Variants in SMYD3 observed in about 807,000 individuals in gnomAD.
SMYD3 encodes SET and MYND domain containing 3.
Under a neutral mutation model 57.7 loss-of-function variants are expected in SMYD3, and 36 were observed. That is an observed-to-expected ratio of 0.62 (90% CI 0.48 to 0.82). The LOEUF is 0.82. SMYD3 is among the 40% of genes least tolerant of loss of function. SMYD3 has a pLI of 0.00. For synonymous variants in SMYD3, 211 were observed against 195.0 expected (o/e 1.08, Z -0.68); for missense variants, 515 against 538.8 (o/e 0.96, Z 0.44).
intron 5 of SMYD3, among the ~76,000 whole-genome samples, chr1:246,300,854 A>G (rs1558387305): frequency 6.6e-6 from 1 of 152,188 alleles, no homozygotes; most frequent in African/African-American, 2.4e-5. Context: ...TTGCTTTTTC[A>G]TTACTGATTA....
At chr1:245,780,291 A>C (rs146476266) in intron 10 of SMYD3, among the ~76,000 whole-genome samples, 1 of 152,258 alleles carries the variant, frequency 6.6e-6, no homozygotes, top group Non-Finnish European at 1.5e-5. Flanking sequence ...CTATCATTTT[A>C]TAAATAAACA....
At chr1:246,146,636 T>C (rs1480866571) in intron 5 of SMYD3, among the ~76,000 whole-genome samples, 1 of 150,304 alleles carries the variant, frequency 6.7e-6, no homozygotes, top group Non-Finnish European at 1.5e-5. Context: ...CAGAATAAAC[T>C]AGAAGTGAAG....
chr1:246,301,724 A>C (rs890929199), intron 5 of SMYD3, among the ~76,000 whole-genome samples: 3 of 152,270 alleles, frequency 2.0e-5, no homozygotes, highest in African/African-American at 7.2e-5. Context: ...AGGGCAACTG[A>C]TGTGTCTTTT....
chr1:246,060,269 CA>C (rs1239784414), intron 5 of SMYD3, among the ~76,000 whole-genome samples: 3 of 151,516 alleles, frequency 2.0e-5, no homozygotes, highest in Non-Finnish European at 2.9e-5. Context: ...GCCTGGGCAA[CA>C]GAGCGAGACT....
chr1:245,915,986 T>C (rs2055388487), intron 7 of SMYD3, among the ~76,000 whole-genome samples: 1 of 152,170 alleles, frequency 6.6e-6, no homozygotes, highest in Non-Finnish European at 1.5e-5. Flanking sequence ...TCTATAACCA[T>C]TAGCAATCAG....
In SMYD3 at chr1:246,134,200, G is replaced by A. The variant is rs558356882; in HGVS notation, c.531+193001C>T. Among the ~76,000 whole-genome samples, 36 of 152,070 alleles carry A rather than the reference G, an allele frequency of 2.4e-4. No individual in the cohort carries two copies. In the Middle Eastern group the frequency reaches 0.01, roughly 43 times the overall value. On this transcript the variant is annotated intron_variant, in intron 5 of 11. Coordinates refer to ENST00000490107, the MANE Select transcript of SMYD3 (RefSeq NM_001167740.2). ...TTTTATTTTCCCACCTTTTCTTCTAGAAGTGGCCTATGACTGACATTTCAG... is the reference window on the plus strand; with the variant it reads ...TTTTATTTTCCCACCTTTTCTTCTAAAAGTGGCCTATGACTGACATTTCAG...
chr1:245,938,718 A>G (rs947478210), intron 5 of SMYD3, among the ~76,000 whole-genome samples: 5 of 152,108 alleles, frequency 3.3e-5, no homozygotes, highest in Non-Finnish European at 7.3e-5. Flanking sequence ...ATATCATTTG[A>G]TCTTTTGTCT....
chr1:245,980,182 C>A (rs2058561271), intron 5 of SMYD3, among the ~76,000 whole-genome samples: 1 of 152,224 alleles, frequency 6.6e-6, no homozygotes, highest in African/African-American at 2.4e-5. Context: ...TCACAGGCTG[C>A]AGCACTGGAT....
chr1:245,862,921 G>A (rs1409212969), intron 9 of SMYD3, among the ~76,000 whole-genome samples: 2 of 152,160 alleles, frequency 1.3e-5, no homozygotes, highest in Non-Finnish European at 2.9e-5. Flanking sequence ...AACTCAGTGG[G>A]CTATTGATTC....
intron 5 of SMYD3, among the ~76,000 whole-genome samples, chr1:246,048,011 C>T (rs1036143828): frequency 6.6e-6 from 1 of 151,704 alleles, no homozygotes; most frequent in African/African-American, 2.4e-5. Context: ...GACATCCTAG[C>T]GAAAATATCC....
intron 1 of SMYD3, among the ~76,000 whole-genome samples, chr1:246,506,609 G>A (rs113174554): frequency 0.033 from 4,967 of 152,230 alleles, 110 homozygotes; most frequent in South Asian, 0.06. Flanking sequence ...CTTTACCGGC[G>A]GGGCCTCTGC....
chr1:246,031,551 C>T (rs12733342), intron 5 of SMYD3, among the ~76,000 whole-genome samples: 9,360 of 152,012 alleles, frequency 0.062, 335 homozygotes, highest in African/African-American at 0.069. Context: ...TCCTGGCTAA[C>T]GTGGTGAAAC....
intron 5 of SMYD3, among the ~76,000 whole-genome samples, chr1:246,247,517 T>TAC (rs1553318895): frequency 1.3e-3 from 191 of 149,540 alleles, no homozygotes; most frequent in African/African-American, 4.1e-3. Context: ...TATATATATA[T>TAC]ACACACGAGT....
chr1:246,293,319 C>G (rs2148598511), intron 5 of SMYD3, among the ~76,000 whole-genome samples: 2 of 152,270 alleles, frequency 1.3e-5, no homozygotes, highest in South Asian at 4.1e-4. Flanking sequence ...GTATTATGTA[C>G]TTGGATGTTT....
At chr1:246,041,804 G>A (rs6426264) in intron 5 of SMYD3, among the ~76,000 whole-genome samples, 2,837 of 150,606 alleles carry the variant, frequency 0.019, 58 homozygotes, top group African/African-American at 0.048. Flanking sequence ...TAGATGGTAT[G>A]TAATCTTTAT....
rs34172535 is a variant in SMYD3 at position 246,354,605 on chromosome 1, G to GA, written c.228+425dup. 7.3e-3 allele frequency among the ~76,000 whole-genome samples: 1,039 copies of GA among 143,172 alleles called. 13 individuals carry two copies. Among genetic ancestry groups the GA allele is most frequent in the African/African-American group, 0.024 (954 of 39,302 alleles). 93.9% of individuals were successfully genotyped at this position (143,172 alleles called of 152,430 possible). A position where few individuals can be genotyped will look rare whatever the true frequency, so the allele number is the denominator to read the frequency against. On this transcript the variant is annotated intron_variant, in intron 2 of 11. Coordinates refer to ENST00000490107, the MANE Select transcript of SMYD3 (RefSeq NM_001167740.2). ...TGTTCCCCAAAGTAGATCGTTAAAT[G>GA]AAAAAAAAAAAGTACACAAGAATTC... is the stretch of plus-strand genomic sequence containing the variant.
chr1:246,247,483 A>G (rs11484980), intron 5 of SMYD3, among the ~76,000 whole-genome samples: 1 of 144,394 alleles, frequency 6.9e-6, no homozygotes, highest in Non-Finnish European at 1.5e-5. Flanking sequence ...ATATATATAT[A>G]TATTTTTTAA....
At chr1:245,823,937 G>A (rs762979947) in intron 10 of SMYD3, among the ~76,000 whole-genome samples, 1 of 152,158 alleles carries the variant, frequency 6.6e-6, no homozygotes, top group Non-Finnish European at 1.5e-5. Flanking sequence ...ACGTGCTCCC[G>A]AAGGCACCGC....
intron 10 of SMYD3, among the ~76,000 whole-genome samples, chr1:245,816,818 C>A (rs2148316954): frequency 6.6e-6 from 1 of 152,276 alleles, no homozygotes; most frequent in Non-Finnish European, 1.5e-5. Flanking sequence ...TCACTCCCAC[C>A]CGAATATTGC....
Sources: gnomAD v4.1 joint callset for allele counts (sites outside exome capture counted in the v4.1 genomes callset) on GRCh38, gnomAD v4.1.1 for gene constraint, MANE v1.5 for transcripts, NCBI Gene and HGNC (gene_info 2026-07-23, HGNC 2026-07-21) for gene names.